The following CDH13 variants were observed in gnomAD, a reference collection of about 807,000 sequenced individuals.
The protein encoded by CDH13 is cadherin 13.
A neutral mutation model predicts 63.8 loss-of-function variants in CDH13; 24 were observed. That is an observed-to-expected ratio of 0.38 (90% CI 0.27 to 0.53). The LOEUF (loss-of-function observed/expected upper bound fraction) is 0.53, where lower values mean the gene tolerates loss of function less well. CDH13 is among the 20% of genes least tolerant of loss of function. CDH13 has a pLI of 0.85. For missense variants in CDH13, 1,049 were observed against 903.1 expected (o/e 1.16, Z -2.07); for synonymous variants, 503 against 355.3 (o/e 1.42, Z -4.67).
At chr16:83,497,132 A>G (rs1027762890) in intron 7 of CDH13, among the ~76,000 whole-genome samples, 1 of 152,198 alleles carries the variant, frequency 6.6e-6, no homozygotes, top group Non-Finnish European at 1.5e-5. Context: ...AACTGGAAGT[A>G]CCATTTGACC....
At chr16:82,848,948 A>G (rs1410774055) in intron 1 of CDH13, among the ~76,000 whole-genome samples, 1 of 152,212 alleles carries the variant, frequency 6.6e-6, no homozygotes, top group African/African-American at 2.4e-5. Context: ...GAAGGAAACT[A>G]AAGGTGCTAC....
At chr16:83,224,848 G>A (rs2039796141) in intron 5 of CDH13, among the ~76,000 whole-genome samples, 1 of 152,192 alleles carries the variant, frequency 6.6e-6, no homozygotes, top group Admixed American at 6.5e-5. Context: ...CACTTAGTAA[G>A]TGTTCCGGAA....
At chr16:83,283,408 T>C (rs1031628857) in intron 5 of CDH13, among the ~76,000 whole-genome samples, 1 of 152,124 alleles carries the variant, frequency 6.6e-6, no homozygotes, top group Non-Finnish European at 1.5e-5. Context: ...CTGGCCAACA[T>C]GGTGAAACCC....
intron 2 of CDH13, among the ~76,000 whole-genome samples, chr16:82,988,825 CAGT>C (rs1017620708): frequency 1.9e-4 from 28 of 151,168 alleles, no homozygotes; most frequent in African/African-American, 6.3e-4. Flanking sequence ...GATGCTCACT[CAGT>C]AGGTTGCTGT....
intron 5 of CDH13, among the ~76,000 whole-genome samples, chr16:83,328,032 C>T (rs2090402888): frequency 6.6e-6 from 1 of 151,286 alleles, no homozygotes; most frequent in Non-Finnish European, 1.5e-5. Flanking sequence ...ACTCAGGAGG[C>T]TGGGGCAGGA....
rs75130557 is a variant in CDH13 at position 82,935,228 on chromosome 16, A to G, written c.157+76755A>G. Reference sequence around the variant, plus strand: ...CAGCAAGATGGAGAAGTGCAGAGTGAAGGGAGAGACAGCTCCTTATAAAGC... The same window carrying G: ...CAGCAAGATGGAGAAGTGCAGAGTGGAGGGAGAGACAGCTCCTTATAAAGC... On this transcript the variant is annotated intron_variant, in intron 2 of 13. Transcript: ENST00000567109. 4.8e-3 allele frequency among the ~76,000 whole-genome samples: 733 copies of G among 152,300 alleles called. 8 individuals are homozygous for G. The highest frequency in any genetic ancestry group is 0.017 in the African/African-American group (700 of 41,566).
intron 6 of CDH13, among the ~76,000 whole-genome samples, chr16:83,434,255 T>C (rs1368231875): frequency 6.6e-6 from 1 of 152,174 alleles, no homozygotes; most frequent in Non-Finnish European, 1.5e-5. Flanking sequence ...TGGTACAACA[T>C]GGGAGAATCA....
intron 1 of CDH13, among the ~76,000 whole-genome samples, chr16:82,847,837 G>C (rs570516386): frequency 1.2e-4 from 18 of 151,330 alleles, no homozygotes; most frequent in African/African-American, 3.6e-4. Context: ...TTGGACTTAG[G>C]TTAGTTTTGG....
chr16:82,717,665 C>T (rs1262569354), intron 1 of CDH13, among the ~76,000 whole-genome samples: 1 of 152,156 alleles, frequency 6.6e-6, no homozygotes, highest in Admixed American at 6.5e-5. Flanking sequence ...TTCCTCTGCC[C>T]CCCTCTTATG....
At chr16:83,609,628 C>T (rs1280352398) in intron 8 of CDH13, among the ~76,000 whole-genome samples, 2 of 152,184 alleles carry the variant, frequency 1.3e-5, no homozygotes, top group Non-Finnish European at 2.9e-5. Context: ...TTATTTGAGG[C>T]AGAATGATGT....
At chr16:83,714,738 G>A (rs756549881) in intron 10 of CDH13, among the ~76,000 whole-genome samples, 5 of 152,100 alleles carry the variant, frequency 3.3e-5, no homozygotes, top group Non-Finnish European at 7.4e-5. Context: ...GGATGTGTTT[G>A]TTTTACATTT....
intron 6 of CDH13, among the ~76,000 whole-genome samples, chr16:83,394,386 G>C (rs1210380830): frequency 3.3e-5 from 5 of 152,146 alleles, no homozygotes; most frequent in Admixed American, 2.6e-4. Flanking sequence ...GAGAGAGTGA[G>C]CCACGTGGAT....
intron 1 of CDH13, among the ~76,000 whole-genome samples, chr16:82,756,482 C>G (rs1187010620): frequency 6.6e-6 from 1 of 152,172 alleles, no homozygotes; most frequent in Non-Finnish European, 1.5e-5. Context: ...CCCGGGGTGA[C>G]TAGCTGTTAG....
chr16:83,401,155 A>G (rs1054740848), intron 6 of CDH13, among the ~76,000 whole-genome samples: 5 of 152,120 alleles, frequency 3.3e-5, no homozygotes, highest in African/African-American at 1.2e-4. Flanking sequence ...AGCCTGGCCA[A>G]TATGGCCAAA....
intron 1 of CDH13, among the ~76,000 whole-genome samples, chr16:82,747,549 G>C (rs1323341048): frequency 6.6e-6 from 1 of 152,016 alleles, no homozygotes; most frequent in African/African-American, 2.4e-5. Context: ...GCAAATTCTT[G>C]GGTCCTTCCT....
intron 3 of CDH13, among the ~76,000 whole-genome samples, chr16:83,119,821 C>T (rs2035483323): frequency 1.3e-5 from 2 of 152,316 alleles, no homozygotes; most frequent in Admixed American, 6.5e-5. Context: ...CACACAAACT[C>T]ATTAGCACAG....
At chr16:83,140,354 C>A (rs1211857419) in intron 4 of CDH13, among the ~76,000 whole-genome samples, 1 of 152,218 alleles carries the variant, frequency 6.6e-6, no homozygotes, top group Non-Finnish European at 1.5e-5. Context: ...TATGGCAGAC[C>A]ATTGCTATGG....
Position 83,166,361 on chromosome 16 carries a change from T to C in CDH13, c.483+40860T>C, listed in dbSNP as rs9888956. Among the ~76,000 whole-genome samples, 905 of 152,168 alleles carry C rather than the reference T, an allele frequency of 5.9e-3. 7 individuals are homozygous for C. Among genetic ancestry groups the C allele is most frequent in the African/African-American group, 0.02 (850 of 41,516 alleles). On this transcript the variant is annotated intron_variant, in intron 4 of 13. Transcript: ENST00000567109. ...TAAGCAGAAATGGGCTTTGAGGACC[T>C]CTCGGCCCAGACAGGAAGAGTAATT...
chr16:83,523,963 C>G (rs910436321), intron 7 of CDH13, among the ~76,000 whole-genome samples: 4 of 152,170 alleles, frequency 2.6e-5, no homozygotes, highest in African/African-American at 9.7e-5. Context: ...CCTGGGCAAC[C>G]AAAGTCCCCA....
Sources: gnomAD v4.1 joint callset for allele counts (sites outside exome capture counted in the v4.1 genomes callset) on GRCh38, gnomAD v4.1.1 for gene constraint, MANE v1.5 for transcripts, NCBI Gene and HGNC (gene_info 2026-07-23, HGNC 2026-07-21) for gene names.